The following CNTN4 variants were observed in gnomAD, a reference collection of about 807,000 sequenced individuals.
The protein encoded by CNTN4 is contactin-4.
A neutral mutation model predicts 122.5 loss-of-function variants in CNTN4; 77 were observed. The ratio of observed to expected loss-of-function variants is 0.63; its 90% CI spans 0.52 to 0.76. The LOEUF is 0.76. Ranked by LOEUF, CNTN4 falls within the 30% of genes least tolerant of loss-of-function variation. The pLI is 0.00. For missense variants in CNTN4, 1,256 were observed against 1,259.1 expected, an observed-to-expected ratio of 1.00 and a Z score of 0.04; for synonymous variants, 512 against 447.0, an observed-to-expected ratio of 1.15 and a Z score of -1.83.
At chr3:2,232,316 G>GAGAGTAA (rs2039516895) in intron 2 of CNTN4, among the ~76,000 whole-genome samples, 1 of 152,058 alleles carries the variant, frequency 6.6e-6, no homozygotes, top group African/African-American at 2.4e-5. Context: ...CAGAGTAGTT[G>GAGAGTAA]AACTTAACAG....
At chr3:2,950,571 G>A (rs1003864895) in intron 13 of CNTN4, among the ~76,000 whole-genome samples, 9 of 152,108 alleles carry the variant, frequency 5.9e-5, no homozygotes, top group Non-Finnish European at 1.3e-4. Context: ...GCTGGACTAG[G>A]TCCTCTTCCA....
At chr3:2,666,757 C>T (rs1164049175) in intron 4 of CNTN4, among the ~76,000 whole-genome samples, 2 of 118,008 alleles carry the variant, frequency 1.7e-5, no homozygotes, top group Non-Finnish European at 3.3e-5. Context: ...CCCCACCCCA[C>T]AACAGGCCCC....
intron 7 of CNTN4, among the ~76,000 whole-genome samples, chr3:2,828,833 G>A (rs544057334): frequency 1.3e-5 from 2 of 152,200 alleles, no homozygotes; most frequent in South Asian, 4.2e-4. Flanking sequence ...CTGAAACCGG[G>A]CTCAAGCAAT....
At chr3:3,041,685 A>C (rs990131372) in intron 20 of CNTN4, among the ~76,000 whole-genome samples, 1 of 152,222 alleles carries the variant, frequency 6.6e-6, no homozygotes, top group Non-Finnish European at 1.5e-5. Context: ...TTAGTGGGCA[A>C]GCACAGTGGC....
At position 2,188,290 on chromosome 3, in the gene CNTN4, A is replaced by C. The variant is rs187949767; in HGVS notation, c.-145+87651A>C. On this transcript the variant is annotated intron_variant, in intron 2 of 24. Coordinates refer to ENST00000418658, the MANE Select transcript of CNTN4 (RefSeq NM_175607.3). The stretch of plus-strand genomic sequence containing the variant: ...TAATAATTTATCTTTAGGCTGCATC[A>C]GCAAGAGTCCCTAGGATTCTGTAGG... Among the ~76,000 whole-genome samples the C allele has an allele frequency of 3.1e-3, 465 of 152,290 alleles. 10 individuals carry two copies. The highest frequency in any genetic ancestry group is 0.025 in the Admixed American group (387 of 15,286).
chr3:2,227,866 A>G (rs1236040076), intron 2 of CNTN4, among the ~76,000 whole-genome samples: 1 of 152,142 alleles, frequency 6.6e-6, no homozygotes, highest in Non-Finnish European at 1.5e-5. Context: ...CACAAACCAC[A>G]GTTAATTTAG....
intron 6 of CNTN4, among the ~76,000 whole-genome samples, chr3:2,773,397 C>T (rs1234764781): frequency 6.6e-6 from 1 of 152,070 alleles, no homozygotes; most frequent in Non-Finnish European, 1.5e-5. Flanking sequence ...GATATATTAA[C>T]TTATTTAAGT....
intron 3 of CNTN4, among the ~76,000 whole-genome samples, chr3:2,380,024 T>G (rs927004027): frequency 7.1e-6 from 1 of 140,958 alleles, no homozygotes; most frequent in East Asian, 2.1e-4. Flanking sequence ...ACCATTGCAT[T>G]CCAGCTTGGT....
At chr3:2,101,376 A>G (rs1203246740) in intron 2 of CNTN4, among the ~76,000 whole-genome samples, 1 of 152,178 alleles carries the variant, frequency 6.6e-6, no homozygotes, top group Non-Finnish European at 1.5e-5. Flanking sequence ...AGTTTGTCTG[A>G]TCATGATTTT....
intron 13 of CNTN4, among the ~76,000 whole-genome samples, chr3:2,971,900 C>T (rs538941612): frequency 2.6e-5 from 4 of 152,248 alleles, no homozygotes; most frequent in South Asian, 2.1e-4. Context: ...GCCACATTTT[C>T]GGAAGTGCAC....
At chr3:2,813,599 C>T (rs1335448834) in intron 6 of CNTN4, among the ~76,000 whole-genome samples, 2 of 152,116 alleles carry the variant, frequency 1.3e-5, no homozygotes, top group Non-Finnish European at 2.9e-5. Flanking sequence ...TGAGTCATCC[C>T]ACCCTGTGAA....
chr3:2,503,258 T>TTACC (rs1427676941), intron 3 of CNTN4, among the ~76,000 whole-genome samples: 10 of 152,200 alleles, frequency 6.6e-5, no homozygotes, highest in African/African-American at 2.2e-4. Context: ...GATGGCTGGA[T>TTACC]AGGATTGAGG....
chr3:2,882,830 T>G (rs74943058), intron 8 of CNTN4: 3,290 of 294,786 alleles, frequency 0.011, 114 homozygotes, highest in African/African-American at 0.066. Flanking sequence ...ATTTTCCTGA[T>G]GACTAGCACT....
At chr3:2,648,462 T>C (rs560971823) in intron 4 of CNTN4, among the ~76,000 whole-genome samples, 2 of 152,328 alleles carry the variant, frequency 1.3e-5, no homozygotes, top group South Asian at 4.1e-4. Flanking sequence ...AGTTTATTCT[T>C]ACTATTATAT....
At chr3:2,710,331 A>C (rs557801290) in intron 4 of CNTN4, among the ~76,000 whole-genome samples, 2 of 152,284 alleles carry the variant, frequency 1.3e-5, no homozygotes, top group South Asian at 4.1e-4. Flanking sequence ...TGGAGAGGCA[A>C]AGGAAAAAGC....
chr3:2,519,780 A>G (rs978337208), intron 3 of CNTN4, among the ~76,000 whole-genome samples: 1 of 152,196 alleles, frequency 6.6e-6, no homozygotes, highest in East Asian at 1.9e-4. Flanking sequence ...TGTGAAAGCT[A>G]AACGCATCTA....
At chr3:2,189,218 G>C (rs772732316) in intron 2 of CNTN4, among the ~76,000 whole-genome samples, 5 of 152,116 alleles carry the variant, frequency 3.3e-5, no homozygotes, top group Admixed American at 6.6e-5. Context: ...CACATGCAGG[G>C]TGTGCCCAGG....
intron 7 of CNTN4, among the ~76,000 whole-genome samples, chr3:2,827,944 G>T (rs1322233762): frequency 1.3e-5 from 2 of 151,980 alleles, no homozygotes; most frequent in Non-Finnish European, 1.5e-5. Flanking sequence ...TTTTTAAATG[G>T]TTACAAAATT....
chr3:3,053,855 A>G lies in CNTN4; in HGVS notation c.2860A>G (p.Asn954Asp), dbSNP rs1701519982. 1.9e-6 allele frequency: 3 copies of G among 1,614,120 alleles called. No individual in the cohort carries two copies. The highest frequency in any genetic ancestry group is 2.5e-6 in the Non-Finnish European group (3 of 1,180,044). The change falls in exon 24 of 25, where the codon AAT becomes GAT. Residue 954 changes from asparagine to aspartate, a missense_variant. Transcript: ENST00000418658. Reference sequence around the variant, plus strand: ...AAGCAGCACATCTGTCATTGAAACAAATAAAACATCGGTGGAGCTTTCTTT... The same window carrying G: ...AAGCAGCACATCTGTCATTGAAACAGATAAAACATCGGTGGAGCTTTCTTT... ...RQSSTSVIET[N>D]KTSVELSLPF...
Sources: allele counts gnomAD v4.1 joint callset (sites outside exome capture counted in the v4.1 genomes callset), GRCh38; gene constraint gnomAD v4.1.1; transcripts MANE v1.5; gene names NCBI Gene and HGNC (gene_info 2026-07-23, HGNC 2026-07-21).